Variants in DNAJA1 observed in about 807,000 individuals in gnomAD.
The protein encoded by DNAJA1 is dnaJ homolog subfamily A member 1.
Under a neutral mutation model 47.6 loss-of-function variants are expected in DNAJA1, and 26 were observed. The ratio of observed to expected loss-of-function variants is 0.55; its 90% CI spans 0.40 to 0.76. DNAJA1 has a LOEUF of 0.76. Among genes scored for constraint, DNAJA1 ranks in the 30% least tolerant of loss-of-function variants. The pLI is 0.00. For missense variants in DNAJA1, 315 were observed against 485.0 expected (o/e 0.65, Z 3.29); for synonymous variants, 165 against 158.4 (o/e 1.04, Z -0.31).
intron 7 of DNAJA1, 75 bp from the exon 8 acceptor site, chr9:33,036,939 TG>T (rs2119396143): frequency 7.6e-7 from 1 of 1,311,112 alleles, no homozygotes; most frequent in East Asian, 2.3e-5. Flanking sequence ...GCTAGGACAG[TG>T]CTCTGTTCTT....
chr9:33,025,308 G>T lies in DNAJA1; in HGVS notation c.-86G>T, dbSNP rs903151281. 1 of 152,490 alleles carries T rather than the reference G, an allele frequency of 6.6e-6. No individual in the cohort carries two copies. Among genetic ancestry groups the T allele is most frequent in the East Asian group, 1.9e-4 (1 of 5,168 alleles). The allele number at this position is 152,490 out of a possible 1,614,324, so 9.4% of individuals were successfully genotyped here. On this transcript the variant is annotated 5_prime_UTR_variant, in exon 1 of 9. Coordinates refer to ENST00000330899, the MANE Select transcript of DNAJA1 (RefSeq NM_001539.4). ...CCAGAACGCTCGGTGAGAGGCGGAG[G>T]AGCGGTAACTACCCCGGCTGCGCAC... is the stretch of plus-strand genomic sequence containing the variant.
In DNAJA1 at chr9:33,026,846, T is replaced by A; in HGVS notation, c.166T>A (p.Ser56Thr). ...GATTTCTCAAGCTTACGAAGTTCTC[T>A]CTGATGCAAAGAAAAGGGAATTATA... Reference protein sequence around the residue: ...KQISQAYEVLSDAKKRELYDK... With the variant: ...KQISQAYEVLTDAKKRELYDK... The change falls in exon 3 of 9, where the codon TCT (serine) becomes ACT (threonine). Residue 56 changes from serine to threonine, a missense_variant. Coordinates refer to ENST00000330899, the MANE Select transcript of DNAJA1 (RefSeq NM_001539.4). 6.2e-7 allele frequency: 1 copy of A among 1,614,100 alleles called. No homozygotes were observed. Among genetic ancestry groups the A allele is most frequent in the Non-Finnish European group, 8.5e-7 (1 of 1,180,000 alleles).
intron 5 of DNAJA1, among the ~76,000 whole-genome samples, chr9:33,032,576 G>T (rs62542140): frequency 3.6e-3 from 549 of 152,322 alleles, no homozygotes; most frequent in Non-Finnish European, 6.6e-3. Flanking sequence ...CTGTAAGTGA[G>T]AACTTGAAAT....
At chr9:33,028,649 C>T (rs1243579859) in intron 3 of DNAJA1, among the ~76,000 whole-genome samples, 1 of 152,182 alleles carries the variant, frequency 6.6e-6, no homozygotes, top group African/African-American at 2.4e-5. Context: ...GGTGGTTTTT[C>T]ACTTACCTTA....
chr9:33,026,250 G>C (rs1838843392), intron 1 of DNAJA1, among the ~76,000 whole-genome samples: 1 of 152,234 alleles, frequency 6.6e-6, no homozygotes, highest in Non-Finnish European at 1.5e-5. Flanking sequence ...ATTGGAACCA[G>C]CTGCTAGAAG....
At chr9:33,032,226 C>T (rs567718672) in intron 5 of DNAJA1, among the ~76,000 whole-genome samples, 73 of 152,372 alleles carry the variant, frequency 4.8e-4, no homozygotes, top group African/African-American at 1.7e-3. Context: ...ACTGGCCTCT[C>T]TGACCCCCAG....
At chr9:33,028,077 C>T (rs1838903257) in intron 3 of DNAJA1, among the ~76,000 whole-genome samples, 1 of 148,922 alleles carries the variant, frequency 6.7e-6, no homozygotes, top group Non-Finnish European at 1.5e-5. Flanking sequence ...ATATAATTTT[C>T]CAAGCCCTTT....
At chr9:33,030,047 T>G in intron 4 of DNAJA1, 58 bp downstream of exon 4, 3 of 1,473,152 alleles carry the variant, frequency 2.0e-6, no homozygotes, top group Non-Finnish European at 2.8e-6. Context: ...ATATGACACC[T>G]GAAAATGGAG....
chr9:33,036,690 G>A lies in DNAJA1; in HGVS notation c.874+1G>A. 6.2e-7 allele frequency: 1 copy of A among 1,603,984 alleles called. No homozygotes were observed. The highest frequency in any genetic ancestry group is 8.5e-7 in the Non-Finnish European group (1 of 1,173,518). ...ACCATCGTCATCACCTCTCATCCAG[G>A]TATGGGAACTAGGCAAGCTTAAACT... On this transcript the variant is annotated splice_donor_variant, in intron 7 of 8. Transcript: ENST00000330899. LOFTEE classifies it high-confidence loss of function.
At position 33,025,704 on chromosome 9, in the gene DNAJA1, G is replaced by A. The variant is rs544430927; in HGVS notation, c.-11+321G>A. On this transcript the variant is annotated intron_variant, in intron 1 of 8. Transcript: ENST00000330899. ...CGTCCGTGCTCGCTCGGGGTGGGGG[G>A]GGGGAGTGGGGTTGGCGACCCTGCG... is the stretch of plus-strand genomic sequence containing the variant. 3.3e-5 allele frequency among the ~76,000 whole-genome samples: 5 copies of A among 152,258 alleles called. No homozygotes were observed. In the East Asian group the frequency reaches 9.7e-4, roughly 29 times the overall value.
chr9:33,029,862 C>A, intron 3 of DNAJA1, 23 bp from the exon 4 acceptor site: 1 of 1,568,430 alleles, frequency 6.4e-7, no homozygotes, highest in Non-Finnish European at 8.7e-7. Context: ...AACAGATTTG[C>A]AATGAGAAAT....
Position 33,026,751 on chromosome 9 carries a change from TAATGTAGC to T in DNAJA1, c.133-61_133-54del, listed in dbSNP as rs1389787350. The T allele has an allele frequency of 5.0e-6, 8 of 1,589,588 alleles. No individual in the cohort carries two copies. The African/African-American group carries it at 1.1e-4, about 22-fold the overall frequency. On this transcript the variant is annotated intron_variant, in intron 2 of 8. Transcript: ENST00000330899. ...CGGCCTTTTTAGCTAAGATCAAGTG[TAATGTAGC>T]TAGGTAACACTTGTTTTTTAAAAAA...
chr9:33,035,886 T>C (rs1410706346), intron 6 of DNAJA1, among the ~76,000 whole-genome samples: 1 of 152,222 alleles, frequency 6.6e-6, no homozygotes, highest in African/African-American at 2.4e-5. Flanking sequence ...CAGGAAATAT[T>C]ATTTCAGGTT....
At chr9:33,025,746 CA>C (rs1838813553) in intron 1 of DNAJA1, among the ~76,000 whole-genome samples, 1 of 151,718 alleles carries the variant, frequency 6.6e-6, no homozygotes, top group African/African-American at 2.4e-5. Context: ...CACAGGGAGG[CA>C]GGGGCGAGGG....
At chr9:33,031,566 G>C (rs939502357) in intron 5 of DNAJA1, among the ~76,000 whole-genome samples, 2 of 151,790 alleles carry the variant, frequency 1.3e-5, no homozygotes, top group Admixed American at 6.6e-5. Context: ...CAGGTAGCTG[G>C]GACTACAGGT....
intron 5 of DNAJA1, among the ~76,000 whole-genome samples, chr9:33,033,684 TATCTCAAGAG>T (rs1838994930): frequency 6.6e-6 from 1 of 152,206 alleles, no homozygotes; most frequent in Non-Finnish European, 1.5e-5. Flanking sequence ...AGCAAGATCC[TATCTCAAGAG>T]AAGATTATAG....
Position 33,039,816 on chromosome 9 carries a change from A to G in DNAJA1, c.*913A>G, listed in dbSNP as rs1839093559. 1 of 152,072 alleles carries G rather than the reference A, an allele frequency of 6.6e-6. No homozygotes were observed. Among genetic ancestry groups the G allele is most frequent in the South Asian group, 2.1e-4 (1 of 4,826 alleles). The allele number at this position is 152,072 out of a possible 1,614,324, so 9.4% of individuals were successfully genotyped here. ...CTTTAATTGTATGTTTAAAAGTCTC[A>G]TATGTTCACATGCTTAAATCTGGGT... On this transcript the variant is annotated 3_prime_UTR_variant, in exon 9 of 9. Coordinates refer to ENST00000330899, the MANE Select transcript of DNAJA1 (RefSeq NM_001539.4).
chr9:33,037,564 C>T (rs933006974), intron 8 of DNAJA1, among the ~76,000 whole-genome samples: 1 of 152,126 alleles, frequency 6.6e-6, no homozygotes, highest in Non-Finnish European at 1.5e-5. Context: ...CACCTGTAGT[C>T]CCAGCTACTC....
At chr9:33,027,520 G>C (rs1414381105) in intron 3 of DNAJA1, among the ~76,000 whole-genome samples, 1 of 151,866 alleles carries the variant, frequency 6.6e-6, no homozygotes, top group Non-Finnish European at 1.5e-5. Context: ...CAGAGTGGTA[G>C]CAAATGACTG....
Sources: allele counts gnomAD v4.1 joint callset (sites outside exome capture counted in the v4.1 genomes callset), GRCh38; gene constraint gnomAD v4.1.1; transcripts MANE v1.5; gene names NCBI Gene and HGNC (gene_info 2026-07-23, HGNC 2026-07-21).